The following CDH8 variants were observed in gnomAD, a reference collection of about 807,000 sequenced individuals.
CDH8 encodes the protein cadherin 8.
Under a neutral mutation model 68.1 loss-of-function variants are expected in CDH8, and 17 were observed. The ratio of observed to expected loss-of-function variants is 0.25; its 90% confidence interval spans 0.17 to 0.37. The LOEUF is 0.37. Among genes scored for constraint, CDH8 ranks in the 10% least tolerant of loss-of-function variants. CDH8 has a pLI of 1.00. For synonymous variants in CDH8, 372 were observed against 365.1 expected, an observed-to-expected ratio of 1.02 and a Z score of -0.21; for missense variants, 763 against 999.3, an observed-to-expected ratio of 0.76 and a Z score of 3.19.
intron 2 of CDH8, among the ~76,000 whole-genome samples, chr16:61,934,951 A>G (rs1597075958): frequency 6.6e-6 from 1 of 152,326 alleles, no homozygotes; most frequent in East Asian, 1.9e-4. Context: ...CAGACCAGAT[A>G]GAAAACTGTG....
chr16:61,767,986 A>C (rs1960638217), intron 8 of CDH8, among the ~76,000 whole-genome samples: 2 of 151,996 alleles, frequency 1.3e-5, no homozygotes, highest in African/African-American at 4.8e-5. Context: ...ATTCCCCACA[A>C]CATGGGGCAG....
chr16:61,873,293 A>C (rs1963402578), intron 3 of CDH8, among the ~76,000 whole-genome samples: 5 of 152,180 alleles, frequency 3.3e-5, no homozygotes, highest in African/African-American at 1.2e-4. Context: ...ATTTGGTGGC[A>C]TATCCCCCAC....
chr16:61,914,556 A>G (rs916405715), intron 2 of CDH8, among the ~76,000 whole-genome samples: 1 of 152,134 alleles, frequency 6.6e-6, no homozygotes, highest in Admixed American at 6.5e-5. Context: ...AATCCTTAAA[A>G]GAAGTTTTTC....
At chr16:61,813,907 T>G (rs1408300154) in intron 7 of CDH8, among the ~76,000 whole-genome samples, 1 of 152,064 alleles carries the variant, frequency 6.6e-6, no homozygotes, top group East Asian at 1.9e-4. Flanking sequence ...CAGGAGAAAA[T>G]AAGACTAAAT....
intron 10 of CDH8, among the ~76,000 whole-genome samples, chr16:61,666,898 C>A (rs948304589): frequency 6.6e-6 from 1 of 152,018 alleles, no homozygotes; most frequent in East Asian, 1.9e-4. Flanking sequence ...ACAGTAGTAT[C>A]CAATATTTAG....
At chr16:61,743,708 T>C (rs1959939195) in intron 8 of CDH8, among the ~76,000 whole-genome samples, 1 of 152,208 alleles carries the variant, frequency 6.6e-6, no homozygotes, top group African/African-American at 2.4e-5. Context: ...TTTAATTTTC[T>C]TCTCATTTTC....
At position 61,649,043 on chromosome 16, in the gene CDH8, G is replaced by A. The variant is rs1379971665; in HGVS notation, c.*4565C>T. 6.6e-6 allele frequency: 1 copy of A among 151,956 alleles called. No individual in the cohort carries two copies. Among genetic ancestry groups the A allele is most frequent in the Non-Finnish European group, 1.5e-5 (1 of 67,912 alleles). 9.4% of individuals were successfully genotyped at this position (151,956 alleles called of 1,614,324 possible). On this transcript the variant is annotated 3_prime_UTR_variant, in exon 12 of 12. Coordinates refer to ENST00000577390, the MANE Select transcript of CDH8 (RefSeq NM_001796.5). ...TTCAACACTGTTTGGCTGAGTAACA[G>A]TGCAAAGACACTTTTTATAGCAAAT...
chr16:61,723,633 T>A (rs4783763), intron 9 of CDH8, among the ~76,000 whole-genome samples: 1 of 150,326 alleles, frequency 6.7e-6, no homozygotes, highest in African/African-American at 2.4e-5. Context: ...ATTGGGGTGT[T>A]GTATACTACT....
intron 2 of CDH8, among the ~76,000 whole-genome samples, chr16:61,975,035 G>A (rs1965411001): frequency 6.6e-6 from 1 of 152,062 alleles, no homozygotes; most frequent in African/African-American, 2.4e-5. Context: ...CTCTTTATAG[G>A]AAAAAAGATG....
chr16:61,807,504 A>G (rs1038764709), intron 7 of CDH8, among the ~76,000 whole-genome samples: 1 of 138,346 alleles, frequency 7.2e-6, no homozygotes, highest in Non-Finnish European at 1.6e-5. Flanking sequence ...AAAAACAAAA[A>G]CAAACAAACA....
At chr16:61,828,463 G>A (rs997244996) in intron 4 of CDH8, among the ~76,000 whole-genome samples, 1 of 151,816 alleles carries the variant, frequency 6.6e-6, no homozygotes, top group African/African-American at 2.4e-5. Context: ...TTTGAGGTCT[G>A]GACTGGGACC....
chr16:61,782,331 C>T (rs1011176387), intron 8 of CDH8, among the ~76,000 whole-genome samples: 11 of 152,214 alleles, frequency 7.2e-5, no homozygotes, highest in African/African-American at 1.4e-4. Context: ...GGGTGACGGA[C>T]GCACCTGGAA....
In CDH8 at chr16:61,652,241, T is replaced by A; in HGVS notation, c.*1367A>T. The A allele has an allele frequency of 1.0e-6, 1 of 984,470 alleles. No individual in the cohort carries two copies. Among genetic ancestry groups the A allele is most frequent in the Non-Finnish European group, 1.2e-6 (1 of 829,092 alleles). The allele number at this position is 984,470 out of a possible 1,614,324, so 61.0% of individuals were successfully genotyped here. A position where few individuals can be genotyped will look rare whatever the true frequency, so the allele number is the denominator to read the frequency against. On this transcript the variant is annotated 3_prime_UTR_variant, in exon 12 of 12. Coordinates refer to ENST00000577390, the MANE Select transcript of CDH8 (RefSeq NM_001796.5). ...CTGTTCCTTTTTGGAGTCTAAGACA[T>A]TCTGTGCATCACCATGAAGATCAGG...
chr16:61,905,235 T>A (rs1247546434), intron 2 of CDH8, among the ~76,000 whole-genome samples: 3 of 152,144 alleles, frequency 2.0e-5, no homozygotes, highest in Non-Finnish European at 4.4e-5. Flanking sequence ...TTCAGCTGGC[T>A]GTAGTACAAT....
chr16:61,940,324 G>A (rs1340012934), intron 2 of CDH8: 2 of 151,224 alleles, frequency 1.3e-5, no homozygotes, highest in Non-Finnish European at 2.9e-5. Flanking sequence ...ATTGGCTTCT[G>A]AATATGTGTG....
chr16:62,033,501 T>C (rs1902377003), intron 1 of CDH8, among the ~76,000 whole-genome samples: 1 of 152,196 alleles, frequency 6.6e-6, no homozygotes, highest in Admixed American at 6.6e-5. Context: ...GTCTTGAATG[T>C]AGAGATTTAC....
chr16:61,864,788 G>C (rs1404959842), intron 3 of CDH8, among the ~76,000 whole-genome samples: 1 of 152,088 alleles, frequency 6.6e-6, no homozygotes, highest in African/African-American at 2.4e-5. Context: ...AAGAAGACAG[G>C]GATTCCAATT....
At chr16:61,972,843 A>G (rs1965367695) in intron 2 of CDH8, among the ~76,000 whole-genome samples, 1 of 152,168 alleles carries the variant, frequency 6.6e-6, no homozygotes, top group African/African-American at 2.4e-5. Flanking sequence ...TAAAAGAAGC[A>G]GTCTGCATAA....
At chr16:61,972,149 T>C (rs1965350420) in intron 2 of CDH8, among the ~76,000 whole-genome samples, 1 of 152,172 alleles carries the variant, frequency 6.6e-6, no homozygotes, top group African/African-American at 2.4e-5. Flanking sequence ...AATGATTTTA[T>C]AAATAAGAGT....
Sources: gnomAD v4.1 joint callset for allele counts (sites outside exome capture counted in the v4.1 genomes callset) on GRCh38, gnomAD v4.1.1 for gene constraint, MANE v1.5 for transcripts, NCBI Gene and HGNC (gene_info 2026-07-23, HGNC 2026-07-21) for gene names.